The following CPEB2 variants were observed in gnomAD, a reference collection of about 807,000 sequenced individuals.
The protein encoded by CPEB2 is cytoplasmic polyadenylation element-binding protein 2.
A neutral mutation model predicts 93.6 loss-of-function variants in CPEB2; 56 were observed. That is an observed-to-expected ratio of 0.60 (90% confidence interval 0.48 to 0.75). The LOEUF is 0.75. CPEB2 is among the 30% of genes least tolerant of loss of function. The pLI is 0.00. For synonymous variants in CPEB2, 764 were observed against 586.3 expected (o/e 1.30, Z -4.38); for missense variants, 1,579 against 1,395.1 (o/e 1.13, Z -2.10).
At chr4:15,036,329 G>A (rs1489407477) in intron 5 of CPEB2, among the ~76,000 whole-genome samples, 1 of 152,088 alleles carries the variant, frequency 6.6e-6, no homozygotes, top group East Asian at 1.9e-4. Context: ...TTGACTGCTG[G>A]AGACTGTCAC....
intron 11 of CPEB2, among the ~76,000 whole-genome samples, chr4:15,065,328 G>A (rs1729605230): frequency 6.6e-6 from 1 of 151,988 alleles, no homozygotes; most frequent in Non-Finnish European, 1.5e-5. Flanking sequence ...TGTCTCCTAA[G>A]GAACGGCTGA....
chr4:15,006,605 A>G (rs1469226809), intron 1 of CPEB2: 1 of 152,194 alleles, frequency 6.6e-6, no homozygotes, highest in Non-Finnish European at 1.5e-5. Flanking sequence ...GTTAATTAGC[A>G]GTATACCTCA....
intron 6 of CPEB2, among the ~76,000 whole-genome samples, chr4:15,046,261 G>A (rs1727682113): frequency 1.3e-5 from 2 of 151,908 alleles, no homozygotes; most frequent in Non-Finnish European, 2.9e-5. Flanking sequence ...TGCTCGTGCT[G>A]CCCAGGCAGG....
intron 6 of CPEB2, among the ~76,000 whole-genome samples, chr4:15,044,758 G>A (rs1026053761): frequency 6.6e-6 from 1 of 152,038 alleles, no homozygotes; most frequent in Non-Finnish European, 1.5e-5. Flanking sequence ...GGTAACATTA[G>A]CATAGCGCCC....
intron 5 of CPEB2, among the ~76,000 whole-genome samples, chr4:15,038,068 C>A (rs1471135142): frequency 6.6e-6 from 1 of 152,178 alleles, no homozygotes; most frequent in African/African-American, 2.4e-5. Context: ...GGTTTAGCTT[C>A]ATCTGTAGTC....
intron 6 of CPEB2, among the ~76,000 whole-genome samples, chr4:15,040,996 C>A (rs1727124070): frequency 6.6e-6 from 1 of 152,012 alleles, no homozygotes; most frequent in South Asian, 2.1e-4. Flanking sequence ...AAGAATATAA[C>A]CCCTTCTTTC....
chr4:15,050,286 A>G (rs1286108270), intron 6 of CPEB2, among the ~76,000 whole-genome samples: 3 of 152,158 alleles, frequency 2.0e-5, no homozygotes, highest in South Asian at 4.1e-4. Context: ...GCTCCTTATG[A>G]GAATCTAATG....
chr4:15,017,860 CTTGT>C (rs765469816), intron 4 of CPEB2: 3 of 151,724 alleles, frequency 2.0e-5, no homozygotes, highest in Non-Finnish European at 4.4e-5. Context: ...CATTAGCATA[CTTGT>C]TTTTGTCTGT....
chr4:15,004,267 C>T lies in CPEB2; in HGVS notation c.1594C>T (p.Leu532Phe), dbSNP rs1188961948. ...CCGGAGGTCGCCCGTCAGCCCGCAGCTCCAGCAGCAGCACCAGGCGGCGGC... is the reference window on the plus strand; with the variant it reads ...CCGGAGGTCGCCCGTCAGCCCGCAGTTCCAGCAGCAGCACCAGGCGGCGGC... The part of the protein sequence containing the change: ...QSRRSPVSPQ[L>F]QQQHQAAAAA... The change falls in exon 1 of 12, where the codon CTC becomes TTC. Residue 532 changes from leucine to phenylalanine, a missense_variant. Transcript: ENST00000538197. The T allele has an allele frequency of 4.7e-6, 7 of 1,495,904 alleles. No homozygotes were observed. In the African/African-American group the frequency reaches 7.3e-5, roughly 16 times the overall value. 92.7% of individuals were successfully genotyped at this position (1,495,904 alleles called of 1,614,324 possible).
chr4:15,017,049 T>C (rs1346410281), intron 3 of CPEB2, 139 bp from the exon 4 acceptor site: 2 of 591,712 alleles, frequency 3.4e-6, no homozygotes, highest in Admixed American at 3.2e-5. Flanking sequence ...TCTTTAGTTA[T>C]TGGTATTTTT....
At chr4:15,046,942 G>A (rs1727761008) in intron 6 of CPEB2, among the ~76,000 whole-genome samples, 1 of 152,194 alleles carries the variant, frequency 6.6e-6, no homozygotes, top group African/African-American at 2.4e-5. Flanking sequence ...ATTTAAGTCT[G>A]TGATCCTTCT....
At chr4:15,056,603 G>C (rs1728734600) in intron 8 of CPEB2, among the ~76,000 whole-genome samples, 1 of 152,096 alleles carries the variant, frequency 6.6e-6, no homozygotes, top group Non-Finnish European at 1.5e-5. Context: ...CCCAAACCTT[G>C]TTCTTTCAAG....
intron 2 of CPEB2, 28 bp from the exon 3 acceptor site, chr4:15,008,310 T>C (rs1723079354): frequency 6.4e-7 from 1 of 1,557,798 alleles, no homozygotes; most frequent in Non-Finnish European, 8.9e-7. Context: ...ACTGCTCATT[T>C]CTGATGAAAA....
intron 3 of CPEB2, among the ~76,000 whole-genome samples, chr4:15,015,020 CATG>C (rs1196516566): frequency 1.3e-5 from 2 of 152,034 alleles, no homozygotes; most frequent in African/African-American, 4.8e-5. Flanking sequence ...TCTAGTCTGA[CATG>C]ATTATTTTCT....
At chr4:15,037,252 A>G (rs1726703850) in intron 5 of CPEB2, among the ~76,000 whole-genome samples, 1 of 151,650 alleles carries the variant, frequency 6.6e-6, no homozygotes, top group Admixed American at 6.6e-5. Flanking sequence ...GCAGTGATGC[A>G]GTGAGCTGAG....
chr4:15,032,097 AT>A (rs988854099), intron 4 of CPEB2, among the ~76,000 whole-genome samples: 1 of 152,034 alleles, frequency 6.6e-6, no homozygotes, highest in East Asian at 1.9e-4. Context: ...AGTTAAAAAA[AT>A]TTTTTTTCAT....
At chr4:15,027,883 T>G (rs900032773) in intron 4 of CPEB2, among the ~76,000 whole-genome samples, 11 of 152,172 alleles carry the variant, frequency 7.2e-5, no homozygotes, top group African/African-American at 2.7e-4. Flanking sequence ...TTACCCTTAT[T>G]TTACAGTTGG....
At chr4:15,062,003 T>C in intron 10 of CPEB2, 76 bp from the exon 11 acceptor site, 2 of 1,339,596 alleles carry the variant, frequency 1.5e-6, no homozygotes, top group Non-Finnish European at 2.0e-6. Flanking sequence ...GACTTTTACG[T>C]TTTACAAAAA....
At chr4:15,008,771 T>TA (rs1723124990) in intron 3 of CPEB2, among the ~76,000 whole-genome samples, 1 of 152,226 alleles carries the variant, frequency 6.6e-6, no homozygotes, top group South Asian at 2.1e-4. Context: ...ATCATATGTT[T>TA]ACTTAACATC....
Sources: gnomAD v4.1 joint callset for allele counts (sites outside exome capture counted in the v4.1 genomes callset) on GRCh38, gnomAD v4.1.1 for gene constraint, MANE v1.5 for transcripts, NCBI Gene and HGNC (gene_info 2026-07-23, HGNC 2026-07-21) for gene names.